The following RFTN2 variants were observed in gnomAD, a reference collection of about 807,000 sequenced individuals.
The protein encoded by RFTN2 is raftlin-2.
In RFTN2, 34 loss-of-function variants were observed where a neutral mutation model predicts 52.7. That is an observed-to-expected ratio of 0.64 (90% CI 0.49 to 0.86). The LOEUF (loss-of-function observed/expected upper bound fraction) is 0.86. Among genes scored for constraint, RFTN2 ranks in the 40% least tolerant of loss-of-function variants. The pLI, the probability that RFTN2 is intolerant of heterozygous loss-of-function variation, is 0.00. For synonymous variants in RFTN2, 203 were observed against 217.7 expected (o/e 0.93, Z 0.59); for missense variants, 536 against 600.1 (o/e 0.89, Z 1.12).
intron 1 of RFTN2, among the ~76,000 whole-genome samples, chr2:197,671,964 G>C (rs2089152955): frequency 6.6e-6 from 1 of 152,088 alleles, no homozygotes; most frequent in Non-Finnish European, 1.5e-5. Context: ...TTTTTGTTAA[G>C]AAACCCTGTA....
intron 1 of RFTN2, among the ~76,000 whole-genome samples, chr2:197,668,934 C>T (rs1380908877): frequency 6.6e-6 from 1 of 152,194 alleles, no homozygotes; most frequent in African/African-American, 2.4e-5. Flanking sequence ...GGGTCTCTCA[C>T]TTAACCTTTC....
At chr2:197,619,230 G>A (rs1164726829) in intron 5 of RFTN2, among the ~76,000 whole-genome samples, 3 of 151,974 alleles carry the variant, frequency 2.0e-5, no homozygotes, top group Admixed American at 6.5e-5. Flanking sequence ...CCACCACCCC[G>A]TCTGGGAGGT....
rs532166435 is a variant in RFTN2 at position 197,572,296 on chromosome 2, T to C, written c.1234-16A>G. The C allele has an allele frequency of 2.0e-5, 33 of 1,612,138 alleles. No homozygotes were observed. The South Asian group carries it at 2.6e-4, about 13-fold the overall frequency. ...TGGCTTTCTTCTGAAACACAAGACA[T>C]TGGTGACCAGGAGAGTTAAAAAGAT... On this transcript the variant is annotated splice_polypyrimidine_tract_variant and intron_variant, in intron 8 of 8. Transcript: ENST00000295049.
chr2:197,616,309 A>ATTTTATTTTTTTTTATTTATTTTATTTT (rs1553601950), intron 6 of RFTN2, among the ~76,000 whole-genome samples: 3 of 125,040 alleles, frequency 2.4e-5, no homozygotes, highest in Non-Finnish European at 5.1e-5. Context: ...ATTTTATTTT[A>ATTTTATTTTTTTTTATTTATTTTATTTT]AAGAGAGGGT....
chr2:197,673,308 CTGGAG>C (rs2089172297), intron 1 of RFTN2, among the ~76,000 whole-genome samples: 1 of 152,172 alleles, frequency 6.6e-6, no homozygotes, highest in African/African-American at 2.4e-5. Flanking sequence ...CCTATATACA[CTGGAG>C]TGGCAGCCGG....
chr2:197,619,217 C>T (rs977129224), intron 5 of RFTN2, among the ~76,000 whole-genome samples: 7 of 152,074 alleles, frequency 4.6e-5, no homozygotes, highest in Non-Finnish European at 7.4e-5. Flanking sequence ...CCCCTCTGCC[C>T]GGCCACCACC....
chr2:197,602,241 T>G (rs6760468), intron 7 of RFTN2, among the ~76,000 whole-genome samples: 6,503 of 151,676 alleles, frequency 0.043, 426 homozygotes, highest in African/African-American at 0.14. Flanking sequence ...AATTTTTTTT[T>G]TGTGTTTTTA....
Position 197,664,289 on chromosome 2 carries a change from A to C in RFTN2, c.139+11031T>G, listed in dbSNP as rs546537048. Reference sequence around the variant, plus strand: ...GGAGTTCAAGACCAGCCTGGGCAACATGGCAAAACCCAGTCTCTACAAAAA... The same window carrying C: ...GGAGTTCAAGACCAGCCTGGGCAACCTGGCAAAACCCAGTCTCTACAAAAA... On this transcript the variant is annotated intron_variant, in intron 1 of 8. Transcript: ENST00000295049. 1.4e-3 allele frequency among the ~76,000 whole-genome samples: 218 copies of C among 151,898 alleles called. 1 individual carries two copies. The highest frequency in any genetic ancestry group is 3.4e-3 in the Middle Eastern group (1 of 292).
At chr2:197,665,392 A>T (rs751761095) in intron 1 of RFTN2, among the ~76,000 whole-genome samples, 1 of 151,878 alleles carries the variant, frequency 6.6e-6, no homozygotes, top group Non-Finnish European at 1.5e-5. Context: ...ATTGAAGTCT[A>T]TCTCTCTCTT....
intron 8 of RFTN2, among the ~76,000 whole-genome samples, chr2:197,574,709 A>C (rs927719131): frequency 1.3e-5 from 2 of 152,236 alleles, no homozygotes; most frequent in East Asian, 3.9e-4. Flanking sequence ...CTCTACTAAA[A>C]ATACAAAAAT....
intron 5 of RFTN2, among the ~76,000 whole-genome samples, chr2:197,622,412 TCTC>T (rs2088280534): frequency 6.6e-6 from 1 of 152,028 alleles, no homozygotes; most frequent in African/African-American, 2.4e-5. Context: ...CTCAAGCAAT[TCTC>T]CTGCCTCAGC....
intron 7 of RFTN2, among the ~76,000 whole-genome samples, chr2:197,603,366 A>G (rs2087909542): frequency 6.6e-6 from 1 of 152,234 alleles, no homozygotes; most frequent in Admixed American, 6.5e-5. Context: ...TAAAGACATC[A>G]TAGAGTAAAA....
intron 1 of RFTN2, among the ~76,000 whole-genome samples, chr2:197,669,617 G>T (rs2089115152): frequency 6.6e-6 from 1 of 152,112 alleles, no homozygotes; most frequent in Admixed American, 6.6e-5. Context: ...TAAGAAGTTT[G>T]CAACCTAGAT....
intron 5 of RFTN2, among the ~76,000 whole-genome samples, chr2:197,629,736 T>TTTTATTTTATTTTA (rs1559356005): frequency 1.8e-4 from 13 of 71,280 alleles, no homozygotes; most frequent in Admixed American, 1.3e-3. Context: ...ATTTTATTTT[T>TTTTATTTTATTTTA]TTTTGAGACA....
In RFTN2 at chr2:197,675,406, T is replaced by C. The variant is rs1193418786; in HGVS notation, c.53A>G (p.Lys18Arg). 1 of 1,605,636 alleles carries C rather than the reference T, an allele frequency of 6.2e-7. No individual in the cohort carries two copies. Among genetic ancestry groups the C allele is most frequent in the Non-Finnish European group, 8.5e-7 (1 of 1,176,100 alleles). Residue 18 changes from lysine (K) to arginine (R), a missense_variant, in exon 1 of 9, where the codon AAA becomes AGA. By Grantham distance (26) the Lys-to-Arg change is conservative. Coordinates refer to ENST00000295049, the MANE Select transcript of RFTN2 (RefSeq NM_144629.3). ...LEDPDDSSPG[K>R]IFSTLKRPQV... ...CGGTCTCTTCAGGGTAGAAAATATT[T>C]TTCCAGGGCTGCTATCATCAGGGTC...
chr2:197,662,130 T>C (rs2088985646), intron 1 of RFTN2, among the ~76,000 whole-genome samples: 1 of 152,230 alleles, frequency 6.6e-6, no homozygotes, highest in Non-Finnish European at 1.5e-5. Flanking sequence ...AGCTTTTCAG[T>C]TTAGTATAAT....
chr2:197,645,637 A>G (rs1396468448), intron 2 of RFTN2, among the ~76,000 whole-genome samples: 2 of 152,238 alleles, frequency 1.3e-5, no homozygotes, highest in African/African-American at 4.8e-5. Flanking sequence ...AAACACTACA[A>G]TGGTTAGCTT....
At chr2:197,636,213 G>C (rs1463604152) in intron 3 of RFTN2, among the ~76,000 whole-genome samples, 1 of 151,332 alleles carries the variant, frequency 6.6e-6, no homozygotes, top group Non-Finnish European at 1.5e-5. Flanking sequence ...GATTGCCTTG[G>C]CGACGCGGGC....
intron 8 of RFTN2, among the ~76,000 whole-genome samples, chr2:197,576,613 G>T (rs774777809): frequency 1.3e-5 from 2 of 152,128 alleles, no homozygotes; most frequent in Non-Finnish European, 2.9e-5. Context: ...TTCATCTGTT[G>T]AAATGCAGTG....
Sources: allele counts gnomAD v4.1 joint callset (sites outside exome capture counted in the v4.1 genomes callset), GRCh38; gene constraint gnomAD v4.1.1; transcripts MANE v1.5; gene names NCBI Gene and HGNC (gene_info 2026-07-23, HGNC 2026-07-21).